The following TBX18 variants were observed in gnomAD, a reference collection of about 807,000 sequenced individuals.
TBX18 encodes the protein T-box transcription factor 18, also known as T-box transcription factor TBX18.
TBX18 carries 21 observed loss-of-function variants against 55.0 expected under a neutral mutation model. The ratio of observed to expected loss-of-function variants is 0.38; its 90% CI spans 0.27 to 0.55. The LOEUF is 0.55. Among genes scored for constraint, TBX18 ranks in the 20% least tolerant of loss-of-function variants. The pLI is 0.73. For missense variants in TBX18, 840 were observed against 799.6 expected, an observed-to-expected ratio of 1.05 and a Z score of -0.61; for synonymous variants, 342 against 326.1, an observed-to-expected ratio of 1.05 and a Z score of -0.53.
Position 84,735,768 on chromosome 6 carries a change from AT to A in TBX18, c.*916del, listed in dbSNP as rs1773922585. On this transcript the variant is annotated 3_prime_UTR_variant, in exon 8 of 8. Coordinates refer to ENST00000369663, the MANE Select transcript of TBX18 (RefSeq NM_001080508.3). ...ACAAAAACATAAGGTATAGTTAACA[AT>A]AGTATTACTCTTGATTTAAAAGATA... The A allele has an allele frequency of 6.6e-6, 1 of 152,186 alleles. No individual in the cohort carries two copies. The highest frequency in any genetic ancestry group is 2.4e-5 in the African/African-American group (1 of 41,460). 9.4% of individuals were successfully genotyped at this position (152,186 alleles called of 1,614,324 possible). A position where few individuals can be genotyped will look rare whatever the true frequency, so the allele number is the denominator to read the frequency against.
rs1240250828 is a variant in TBX18 at position 84,763,894 on chromosome 6, G to T, written c.288C>A (p.Ala96=). Reference sequence around the variant, plus strand: ...GGCAGGAAGGGGCCCACTCACCCGCGGCTCCGCGCTCCAGGTCTGCGCCAC... The same window carrying T: ...GGCAGGAAGGGGCCCACTCACCCGCTGCTCCGCGCTCCAGGTCTGCGCCAC... ...ARSGADLERG[A]AGGCEDGFQQ... The change falls in exon 1 of 8, where the codon GCC becomes GCA. Residue 96 remains alanine (A), a synonymous_variant. Transcript: ENST00000369663. 2.7e-6 allele frequency: 4 copies of T among 1,505,664 alleles called. No homozygotes were observed. The highest frequency in any genetic ancestry group is 2.6e-6 in the Non-Finnish European group (3 of 1,137,418). The allele number at this position is 1,505,664 out of a possible 1,614,324, so 93.3% of individuals were successfully genotyped here. A position where few individuals can be genotyped will look rare whatever the true frequency, so the allele number is the denominator to read the frequency against.
rs150088516 is a variant in TBX18, at chr6:84,756,851, C to T, written c.618G>A (p.Ser206=). The change falls in exon 4 of 8, where the codon TCG becomes TCA. Residue 206 remains serine (S), a synonymous_variant. Coordinates refer to ENST00000369663, the MANE Select transcript of TBX18 (RefSeq NM_001080508.3). ...NKRYRYVYHS[S]KWMVAGNADS... is the part of the protein sequence containing the mutation. The stretch of plus-strand genomic sequence containing the variant: ...CAGCATTACCTGCCACCATCCATTT[C>T]GAACTGTGGTAAACATACCTAGAAG... The T allele has an allele frequency of 1.4e-5, 22 of 1,613,950 alleles. No homozygotes were observed. Among genetic ancestry groups the T allele is most frequent in the Admixed American group, 1.7e-5 (1 of 59,994 alleles).
Position 84,763,950 on chromosome 6 carries a change from G to T in TBX18, c.232C>A (p.Pro78Thr), listed in dbSNP as rs774379422. 22 of 1,579,054 alleles carry T rather than the reference G, an allele frequency of 1.4e-5. No homozygotes were observed. The highest frequency in any genetic ancestry group is 4.5e-5 in the South Asian group (4 of 87,952). The change falls in exon 1 of 8, where the codon CCG becomes ACG. Residue 78 changes from proline to threonine, a missense_variant. Transcript: ENST00000369663. ...GCCGGCCCAGACGTCGCCCCAGCCG[G>T]CGGCGGGAGCGCAGCGCCTTCGTCT... is the stretch of plus-strand genomic sequence containing the variant. ...EGDEGAALPP[P>T]AGATSGPARS...
chr6:84,736,950 GTAT>G lies in TBX18; in HGVS notation c.1556_1558del (p.Asn519del). The G allele has an allele frequency of 6.2e-7, 1 of 1,609,590 alleles. No individual in the cohort carries two copies. The highest frequency in any genetic ancestry group is 8.5e-7 in the Non-Finnish European group (1 of 1,177,270). On this transcript the variant is annotated inframe_deletion, in exon 8 of 8. Coordinates refer to ENST00000369663, the MANE Select transcript of TBX18 (RefSeq NM_001080508.3). ...TGCACAGGGGCTGTGTAATCTAAAA[GTAT>G]TATAGGAACCCTGATGGGTCTGGTT... is the stretch of plus-strand genomic sequence containing the variant.
chr6:84,757,974 T>G (rs1384512832), intron 3 of TBX18, among the ~76,000 whole-genome samples: 1 of 152,182 alleles, frequency 6.6e-6, no homozygotes, highest in Non-Finnish European at 1.5e-5. Context: ...GCATAAAATA[T>G]TTTCAGAACG....
At chr6:84,751,661 T>C (rs887210548) in intron 4 of TBX18, among the ~76,000 whole-genome samples, 1 of 152,346 alleles carries the variant, frequency 6.6e-6, no homozygotes, top group African/African-American at 2.4e-5. Context: ...CTCAGATCTA[T>C]ATGGAGTTCT....
At chr6:84,755,348 G>T (rs1349138726) in intron 4 of TBX18, among the ~76,000 whole-genome samples, 1 of 152,140 alleles carries the variant, frequency 6.6e-6, no homozygotes, top group Non-Finnish European at 1.5e-5. Context: ...AAAAATGGTA[G>T]TGTACTTAAG....
In TBX18 at chr6:84,747,968, G is replaced by C; in HGVS notation, c.891C>G (p.Ser297=). ...VPSGEGVKAF[S]FPETVFTTVT... is the part of the protein sequence containing the mutation. The stretch of plus-strand genomic sequence containing the variant: ...CGGTTGTGAAGACAGTTTCTGGAAA[G>C]GAGAATGCCTTTACTCCCTCCCCGG... The change falls in exon 5 of 8, where the codon TCC becomes TCG. Residue 297 remains serine (S), a synonymous_variant. Transcript: ENST00000369663. 1 of 1,613,270 alleles carries C rather than the reference G, an allele frequency of 6.2e-7. No homozygotes were observed.
In TBX18 at chr6:84,764,038, C is replaced by A; in HGVS notation, c.144G>T (p.Gly48=). 6.4e-7 allele frequency: 1 copy of A among 1,556,914 alleles called. No individual in the cohort carries two copies. Among genetic ancestry groups the A allele is most frequent in the African/African-American group, 1.4e-5 (1 of 73,764 alleles). ...GGCTGCAGCCTCCGTCGTCCACGGC[C>A]CCCGCCGCCTCTTCGGCGCCCAGTT... ...RRKLGAEEAA[G]AVDDGGCSRG... is the part of the protein sequence containing the mutation. Residue 48 remains glycine, a synonymous_variant, in exon 1 of 8, where the codon GGG becomes GGT. Transcript: ENST00000369663.
chr6:84,744,908 C>G (rs1184807173), intron 5 of TBX18, among the ~76,000 whole-genome samples: 2 of 152,002 alleles, frequency 1.3e-5, no homozygotes, highest in African/African-American at 4.8e-5. Context: ...ATTCTTTTAT[C>G]TGTGGAGTCC....
Position 84,737,427 on chromosome 6 carries a change from A to G in TBX18, c.1100-18T>C, listed in dbSNP as rs758615958. ...TGCATTGCCTACAAAAGAAGTTGAA[A>G]TGTAAAGAATGACTCCACAGTCATC... On this transcript the variant is annotated intron_variant, in intron 7 of 7. Coordinates refer to ENST00000369663, the MANE Select transcript of TBX18 (RefSeq NM_001080508.3). 1.3e-6 allele frequency: 2 copies of G among 1,504,698 alleles called. No individual in the cohort carries two copies. Among genetic ancestry groups the G allele is most frequent in the East Asian group, 4.6e-5 (2 of 43,490 alleles). The allele number at this position is 1,504,698 out of a possible 1,614,324, so 93.2% of individuals were successfully genotyped here.
intron 3 of TBX18, among the ~76,000 whole-genome samples, chr6:84,759,695 G>A (rs1047651162): frequency 6.6e-6 from 1 of 151,308 alleles, no homozygotes; most frequent in Non-Finnish European, 1.5e-5. Flanking sequence ...AAAAACAACA[G>A]AAAGGTAAAA....
chr6:84,744,452 C>A, intron 5 of TBX18, 127 bp from the exon 6 acceptor site: 1 of 670,266 alleles, frequency 1.5e-6, no homozygotes, highest in South Asian at 2.4e-5. Context: ...CTCTTTTATT[C>A]CCCAAGTATT....
At chr6:84,755,954 C>T (rs185855735) in intron 4 of TBX18, among the ~76,000 whole-genome samples, 49 of 152,208 alleles carry the variant, frequency 3.2e-4, no homozygotes, top group Non-Finnish European at 1.5e-4. Flanking sequence ...ATATATTCTT[C>T]GAAAGGCATT....
At chr6:84,746,441 TATA>T (rs1026366544) in intron 5 of TBX18, among the ~76,000 whole-genome samples, 26 of 147,288 alleles carry the variant, frequency 1.8e-4, no homozygotes, top group South Asian at 4.2e-4. Flanking sequence ...TTATATATTA[TATA>T]ATATTTCGTA....
At position 84,733,226 on chromosome 6, in the gene TBX18, T is replaced by C. The variant is rs1027645641; in HGVS notation, c.*3459A>G. ...ATTTGTCGATTTCTAGCACTGATAA[T>C]TTTTAAGGTTTGAACTCTTAGAATG... On this transcript the variant is annotated 3_prime_UTR_variant, in exon 8 of 8. Transcript: ENST00000369663. 2 of 152,206 alleles carry C rather than the reference T, an allele frequency of 1.3e-5. No individual in the cohort carries two copies. The highest frequency in any genetic ancestry group is 2.9e-5 in the Non-Finnish European group (2 of 68,024). The allele number at this position is 152,206 out of a possible 1,614,324, so 9.4% of individuals were successfully genotyped here.
intron 5 of TBX18, 81 bp from the exon 6 acceptor site, chr6:84,744,406 CA>C: frequency 8.5e-7 from 1 of 1,178,918 alleles, no homozygotes; most frequent in Non-Finnish European, 1.2e-6. Context: ...TACAATGAGT[CA>C]AAAGTTAACT....
intron 4 of TBX18, among the ~76,000 whole-genome samples, chr6:84,755,511 A>T (rs552159510): frequency 6.6e-6 from 1 of 152,372 alleles, no homozygotes; most frequent in South Asian, 2.1e-4. Flanking sequence ...GTGAAAAATA[A>T]TTGTTACAAC....
In TBX18 at chr6:84,764,328, T is replaced by C. The variant is rs1767758002; in HGVS notation, c.-147A>G. ...TCCCCACCGCGGGCAAAAAACAGAT[T>C]TGGCGTTTCCGCTTTCTCGCTTGTG... On this transcript the variant is annotated 5_prime_UTR_variant, in exon 1 of 8. Coordinates refer to ENST00000369663, the MANE Select transcript of TBX18 (RefSeq NM_001080508.3). The C allele has an allele frequency of 3.5e-6, 4 of 1,151,746 alleles. No individual in the cohort carries two copies. The highest frequency in any genetic ancestry group is 7.8e-5 in the Admixed American group (2 of 25,606). 71.3% of individuals were successfully genotyped at this position (1,151,746 alleles called of 1,614,324 possible). A position where few individuals can be genotyped will look rare whatever the true frequency, so the allele number is the denominator to read the frequency against.
Sources: gnomAD v4.1 joint callset for allele counts (sites outside exome capture counted in the v4.1 genomes callset) on GRCh38, gnomAD v4.1.1 for gene constraint, MANE v1.5 for transcripts, NCBI Gene and HGNC (gene_info 2026-07-23, HGNC 2026-07-21) for gene names.